The following SHANK2 variants were observed in gnomAD, a reference collection of about 807,000 sequenced individuals.
The protein encoded by SHANK2 is SH3 and multiple ankyrin repeat domains 2, also known as SH3 and multiple ankyrin repeat domains protein 2.
Under a neutral mutation model 133.7 loss-of-function variants are expected in SHANK2, and 43 were observed. That is an observed-to-expected ratio of 0.32 (90% CI 0.25 to 0.41). The LOEUF is 0.41. Among genes scored for constraint, SHANK2 ranks in the 10% least tolerant of loss-of-function variants. SHANK2 has a pLI of 1.00. For missense variants in SHANK2, 1,994 were observed against 2,235.8 expected, an observed-to-expected ratio of 0.89 and a Z score of 2.18; for synonymous variants, 1,017 against 952.8, an observed-to-expected ratio of 1.07 and a Z score of -1.24.
In SHANK2 at chr11:70,934,812, G is replaced by A. The variant is rs114093433; in HGVS notation, c.1108-38245C>T. Among the ~76,000 whole-genome samples, 760 of 152,300 alleles carry A rather than the reference G, an allele frequency of 5.0e-3. 7 individuals carry two copies. Among genetic ancestry groups the A allele is most frequent in the African/African-American group, 0.017 (720 of 41,556 alleles). Reference sequence around the variant, plus strand: ...TTTCCTCCCAGAGACCAGTGTGGCCGTTCAAAGAGGAGGACCTCCTTGCTG... The same window carrying A: ...TTTCCTCCCAGAGACCAGTGTGGCCATTCAAAGAGGAGGACCTCCTTGCTG... On this transcript the variant is annotated intron_variant, in intron 10 of 25. Transcript: ENST00000601538.
At chr11:70,651,986 G>T (rs1209022336) in intron 17 of SHANK2, among the ~76,000 whole-genome samples, 1 of 152,244 alleles carries the variant, frequency 6.6e-6, no homozygotes, top group East Asian at 1.9e-4. Context: ...GAAAGCTAGA[G>T]AAATGTGAGC....
chr11:70,478,667 C>A (rs534825033), intron 25 of SHANK2, among the ~76,000 whole-genome samples: 1 of 152,314 alleles, frequency 6.6e-6, no homozygotes, highest in African/African-American at 2.4e-5. Flanking sequence ...TGTTGTGTCT[C>A]AGCAGCTGCC....
chr11:70,720,018 A>G (rs1472508632), intron 14 of SHANK2, among the ~76,000 whole-genome samples: 1 of 152,024 alleles, frequency 6.6e-6, no homozygotes, highest in Admixed American at 6.6e-5. Context: ...AGGTTCCTCA[A>G]CCTCTCTGAG....
At chr11:70,687,919 T>G (rs1186359627) in intron 15 of SHANK2, among the ~76,000 whole-genome samples, 2 of 151,870 alleles carry the variant, frequency 1.3e-5, no homozygotes, top group African/African-American at 2.4e-5. Context: ...ATCCACCCAC[T>G]CGCCACCTGG....
At chr11:71,134,310 C>T (rs1952395150) in intron 3 of SHANK2, among the ~76,000 whole-genome samples, 1 of 151,490 alleles carries the variant, frequency 6.6e-6, no homozygotes, top group African/African-American at 2.4e-5. Context: ...GGTGGGGTTT[C>T]CTCTTGGGGG....
intron 14 of SHANK2, among the ~76,000 whole-genome samples, chr11:70,785,851 C>T (rs1018710424): frequency 1.3e-5 from 2 of 152,160 alleles, no homozygotes; most frequent in African/African-American, 4.8e-5. Flanking sequence ...TGCACCAGGT[C>T]GAGGGAGTGG....
At position 70,519,647 on chromosome 11, in the gene SHANK2, C is replaced by CA. The variant is rs202164389; in HGVS notation, c.2062-16717dup. Among the ~76,000 whole-genome samples, 138 of 146,436 alleles carry CA rather than the reference C, an allele frequency of 9.4e-4. 1 individual carries two copies. Among genetic ancestry groups the CA allele is most frequent in the South Asian group, 2.4e-3 (11 of 4,620 alleles). ...GGGCAACAAGAGTGAAACTCCGTCT[C>CA]AAAAAAAAACAAAAAGTGCCATTAT... is the stretch of plus-strand genomic sequence containing the variant. On this transcript the variant is annotated intron_variant, in intron 17 of 25. Coordinates refer to ENST00000601538, the MANE Select transcript of SHANK2 (RefSeq NM_012309.5).
At chr11:70,636,590 TGTGA>T (rs1555004212) in intron 17 of SHANK2, among the ~76,000 whole-genome samples, 1 of 150,922 alleles carries the variant, frequency 6.6e-6, no homozygotes, top group Non-Finnish European at 1.5e-5. Context: ...TGTGAGTCTG[TGTGA>T]GTGTATGAGT....
At chr11:71,156,547 A>G (rs1952909708) in intron 2 of SHANK2, among the ~76,000 whole-genome samples, 1 of 151,704 alleles carries the variant, frequency 6.6e-6, no homozygotes, top group South Asian at 2.1e-4. Flanking sequence ...CCTTCCTCTC[A>G]CCTCAGAGGG....
At chr11:70,789,260 T>C (rs782461350) in intron 14 of SHANK2, among the ~76,000 whole-genome samples, 1 of 152,124 alleles carries the variant, frequency 6.6e-6, no homozygotes, top group Non-Finnish European at 1.5e-5. Context: ...TCAAATGAGG[T>C]CCTGTCTCTT....
In SHANK2 at chr11:71,109,965, T is replaced by C. The variant is rs1432369888; in HGVS notation, c.568A>G (p.Asn190Asp). The C allele has an allele frequency of 6.4e-6, 10 of 1,551,420 alleles. No homozygotes were observed. The highest frequency in any genetic ancestry group is 7.8e-6 in the Non-Finnish European group (9 of 1,146,846). The change falls in exon 6 of 26, where the codon AAT becomes GAT. Residue 190 changes from asparagine to aspartate, a missense_variant. This residue lies in a region of SHANK2 where 653 missense variants were observed against 563.4 expected (regional missense o/e 1.16). Coordinates refer to ENST00000601538, the MANE Select transcript of SHANK2 (RefSeq NM_012309.5). Reference sequence around the variant, plus strand: ...CCTCCGGTCTCCGGGTCGTGGAAATTGGGATCCAGGCCTCGGTCCAGCATC... The same window carrying C: ...CCTCCGGTCTCCGGGTCGTGGAAATCGGGATCCAGGCCTCGGTCCAGCATC... ...TKMLDRGLDP[N>D]FHDPETGETP...
Position 70,765,136 on chromosome 11 carries a change from A to T in SHANK2, c.1777+33307T>A, listed in dbSNP as rs1947092205. ...GAAGAGGGAGTTGGGCCTGCCTTCC[A>T]TCCATTTCCTGTTTCCTGGGGAAAC... is the stretch of plus-strand genomic sequence containing the variant. On this transcript the variant is annotated intron_variant, in intron 14 of 25. Coordinates refer to ENST00000601538, the MANE Select transcript of SHANK2 (RefSeq NM_012309.5). 2.6e-5 allele frequency among the ~76,000 whole-genome samples: 4 copies of T among 152,176 alleles called. 1 individual carries two copies. Among genetic ancestry groups the T allele is most frequent in the Admixed American group, 2.6e-4 (4 of 15,280 alleles).
rs555788002 is a variant in SHANK2 at position 70,885,890 on chromosome 11, C to T, written c.1174+10611G>A. On this transcript the variant is annotated intron_variant, in intron 11 of 25. Transcript: ENST00000601538. Reference sequence around the variant, plus strand: ...AGCCGGTCACCTTGGATCCCATCCCCGCCAGTCAACTCCGCTTTACAATTT... The same window carrying T: ...AGCCGGTCACCTTGGATCCCATCCCTGCCAGTCAACTCCGCTTTACAATTT... 7.2e-5 allele frequency among the ~76,000 whole-genome samples: 11 copies of T among 152,298 alleles called. No individual in the cohort carries two copies. The East Asian group carries it at 1.5e-3, about 21-fold the overall frequency.
chr11:70,833,454 G>T (rs1948761004), intron 11 of SHANK2, among the ~76,000 whole-genome samples: 1 of 152,250 alleles, frequency 6.6e-6, no homozygotes, highest in South Asian at 2.1e-4. Context: ...GGGCAAGAGA[G>T]CTGGGCATGC....
chr11:70,498,371 T>G (rs918655959), intron 21 of SHANK2, among the ~76,000 whole-genome samples: 1 of 152,120 alleles, frequency 6.6e-6, no homozygotes, highest in East Asian at 1.9e-4. Context: ...CAGTGCAGGG[T>G]GGGAAGGGTG....
At chr11:71,097,937 T>A (rs1369121949) in intron 6 of SHANK2, among the ~76,000 whole-genome samples, 4 of 151,418 alleles carry the variant, frequency 2.6e-5, no homozygotes, top group Admixed American at 6.6e-5. Context: ...CCTGTTTGTG[T>A]GCACGCCTGT....
At position 70,473,964 on chromosome 11, in the gene SHANK2, G is replaced by A. The variant is rs516941; in HGVS notation, c.4980-525C>T. On this transcript the variant is annotated intron_variant, in intron 25 of 25. Coordinates refer to ENST00000601538, the MANE Select transcript of SHANK2 (RefSeq NM_012309.5). The surrounding 1 kb of genome is among the most constrained non-coding windows in gnomAD (Gnocchi z 5.9). ...CACCTGGAGGACAGGCCCCTCAGCC[G>A]CCTGGCAGCCTTAGGCTTTTTGGGT... 6 of 209,948 alleles carry A rather than the reference G, an allele frequency of 2.9e-5. No individual in the cohort carries two copies. Among genetic ancestry groups the A allele is most frequent in the South Asian group, 1.8e-4 (2 of 11,010 alleles). 13.0% of individuals were successfully genotyped at this position (209,948 alleles called of 1,614,324 possible).
At position 70,470,940 on chromosome 11, in the gene SHANK2, G is replaced by A. The variant is rs1205970627; in HGVS notation, c.*1929C>T. 4.7e-6 allele frequency: 1 copy of A among 211,966 alleles called. No individual in the cohort carries two copies. Among genetic ancestry groups the A allele is most frequent in the African/African-American group, 2.3e-5 (1 of 44,242 alleles). The allele number at this position is 211,966 out of a possible 1,614,324, so 13.1% of individuals were successfully genotyped here. On this transcript the variant is annotated 3_prime_UTR_variant, in exon 26 of 26. Transcript: ENST00000601538. Reference sequence around the variant, plus strand: ...CACTTTGAAGAAATTGTCCTTCAATGACGAAGTTCTAGCAAAGATAGAAAA... The same window carrying A: ...CACTTTGAAGAAATTGTCCTTCAATAACGAAGTTCTAGCAAAGATAGAAAA...
chr11:70,833,681 G>A (rs1456494618), intron 11 of SHANK2, among the ~76,000 whole-genome samples: 2 of 152,232 alleles, frequency 1.3e-5, no homozygotes, highest in South Asian at 2.1e-4. Flanking sequence ...CAGTACTTAC[G>A]CACAGTGGGT....
Sources: gnomAD v4.1 joint callset for allele counts (sites outside exome capture counted in the v4.1 genomes callset) on GRCh38, gnomAD v4.1.1 for gene constraint, gnomAD v4.1.1 regional missense constraint, Gnocchi (gnomAD v3.1) non-coding constraint, MANE v1.5 for transcripts, NCBI Gene and HGNC (gene_info 2026-07-23, HGNC 2026-07-21) for gene names.